CCNB3: variants seen among roughly 807,000 people sequenced by gnomAD.
The protein encoded by CCNB3 is G2/mitotic-specific cyclin-B3.
Under a neutral mutation model 68.0 loss-of-function variants are expected in CCNB3, and 12 were observed. The ratio of observed to expected loss-of-function variants is 0.18; its 90% CI spans 0.11 to 0.29. The LOEUF (loss-of-function observed/expected upper bound fraction) is 0.29, where lower values mean the gene tolerates loss of function less well. Among genes scored for constraint, CCNB3 ranks in the 10% least tolerant of loss-of-function variants. The pLI is 1.00. For missense variants in CCNB3, 904 were observed against 993.1 expected (o/e 0.91, Z 1.21); for synonymous variants, 354 against 388.9 (o/e 0.91, Z 1.06).
intron 1 of CCNB3, among the ~76,000 whole-genome samples, chrX:50,226,210 ATT>A (rs1183676205): frequency 2.0e-4 from 13 of 65,968 alleles, no homozygotes; most frequent in Non-Finnish European, 2.4e-5. Context: ...GAATATATAT[ATT>A]TATATATATA....
Position 50,337,947 on chromosome X carries a change from C to T in CCNB3, c.3517-4255C>T, listed in dbSNP as rs375098077. ...AGGCACGTCATGGGTGATTAGGCCA[C>T]GCTTCCACTCAAATGGAGGGGTAAG... is the stretch of plus-strand genomic sequence containing the variant. On this transcript the variant is annotated intron_variant, in intron 8 of 12. Coordinates refer to ENST00000376042, the MANE Select transcript of CCNB3 (RefSeq NM_033031.3). 5.8e-4 allele frequency among the ~76,000 whole-genome samples: 65 copies of T among 112,248 alleles called. No homozygotes were observed. The South Asian group carries it at 0.02, about 35-fold the overall frequency.
chrX:50,285,688 C>T (rs1936222269), intron 3 of CCNB3, among the ~76,000 whole-genome samples: 1 of 111,558 alleles, frequency 9.0e-6, no homozygotes, highest in African/African-American at 3.3e-5. Context: ...GCTGTTTTGA[C>T]TTTATTGATA....
At chrX:50,208,177 C>A (rs1257127076) in intron 1 of CCNB3, among the ~76,000 whole-genome samples, 1 of 111,625 alleles carries the variant, frequency 9.0e-6, no homozygotes, top group African/African-American at 3.3e-5. Context: ...TAGCACATAC[C>A]GAAATTTCAG....
rs1160153982 is a variant in CCNB3 at position 50,288,954 on chromosome X, G to A, written c.204+67G>A. 5 of 724,313 alleles carry A rather than the reference G, an allele frequency of 6.9e-6. No homozygotes were observed. In the African/African-American group the frequency reaches 1.1e-4, roughly 16 times the overall value. The allele number at this position is 724,313 out of a possible 1,213,427, so 59.7% of individuals were successfully genotyped here. On this transcript the variant is annotated intron_variant, in intron 4 of 12. Transcript: ENST00000376042. The stretch of plus-strand genomic sequence containing the variant: ...GGCTTAGACATGCTGTTTCTTGAGG[G>A]ACCTTTCCACTTTACCAGACCCTCT...
At position 50,308,791 on chromosome X, in the gene CCNB3, A is replaced by G. The variant is rs1170530670; in HGVS notation, c.622A>G (p.Ile208Val). 1 of 1,211,796 alleles carries G rather than the reference A, an allele frequency of 8.3e-7. No individual in the cohort carries two copies. Among genetic ancestry groups the G allele is most frequent in the Non-Finnish European group, 1.1e-6 (1 of 895,524 alleles). Reference protein sequence around the residue: ...EESDSDDAFVIEPMTFKKTHK... With the variant: ...EESDSDDAFVVEPMTFKKTHK... ...GAGTGACAGTGATGATGCGTTTGTT[A>G]TAGAGCCAATGACTTTTAAGAAGAC... Residue 208 changes from isoleucine to valine, a missense_variant, in exon 6 of 13, where the codon ATA becomes GTA. Ile to Val is a conservative substitution (Grantham distance 29). Around this residue, in one of 2 missense-constraint regions of CCNB3, gnomAD observed 619 missense variants for 609.8 expected, o/e 1.02. Coordinates refer to ENST00000376042, the MANE Select transcript of CCNB3 (RefSeq NM_033031.3).
chrX:50,330,276 T>C (rs1475871052), intron 8 of CCNB3, among the ~76,000 whole-genome samples: 1 of 111,937 alleles, frequency 8.9e-6, no homozygotes, highest in African/African-American at 3.3e-5. Context: ...TGCTTTTCCA[T>C]ACAATGTCTG....
At chrX:50,228,628 A>C (rs942163886) in intron 1 of CCNB3, among the ~76,000 whole-genome samples, 161 of 84,281 alleles carry the variant, frequency 1.9e-3, no homozygotes, top group African/African-American at 6.0e-3. Context: ...ATATATATAG[A>C]ATATACATAT....
intron 1 of CCNB3, among the ~76,000 whole-genome samples, chrX:50,226,083 A>G (rs1300522178): frequency 1.2e-5 from 1 of 82,496 alleles, no homozygotes; most frequent in African/African-American, 4.4e-5. Flanking sequence ...TATATAGAAT[A>G]TATATGAATA....
chrX:50,327,388 T>C (rs1922343283), intron 8 of CCNB3, among the ~76,000 whole-genome samples: 1 of 112,651 alleles, frequency 8.9e-6, no homozygotes, highest in Admixed American at 9.4e-5. Flanking sequence ...AAGGGTATCA[T>C]CTTACATTCA....
chrX:50,300,829 A>G (rs782813953), intron 5 of CCNB3, among the ~76,000 whole-genome samples: 24 of 111,023 alleles, frequency 2.2e-4, no homozygotes, highest in Non-Finnish European at 4.2e-4. Flanking sequence ...GGCTTTGTTC[A>G]TTTCTTTGTA....
intron 1 of CCNB3, among the ~76,000 whole-genome samples, chrX:50,225,692 G>T (rs1935743268): frequency 9.1e-6 from 1 of 109,576 alleles, no homozygotes; most frequent in Non-Finnish European, 1.9e-5. Context: ...TAGAATCATA[G>T]ACGATACCCA....
chrX:50,344,477 G>T (rs1222843366), intron 9 of CCNB3, among the ~76,000 whole-genome samples: 2 of 112,343 alleles, frequency 1.8e-5, no homozygotes, highest in African/African-American at 6.5e-5. Context: ...GGTTGGCAAT[G>T]GTGGTGTATT....
chrX:50,308,780 A>T lies in CCNB3; in HGVS notation c.611A>T (p.Asp204Val). The part of the protein sequence containing the change: ...QPLQEESDSD[D>V]AFVIEPMTFK... ...CTGCAGGAGGAGAGTGACAGTGATG[A>T]TGCGTTTGTTATAGAGCCAATGACT... Residue 204 changes from aspartate to valine, a missense_variant, in exon 6 of 13, where the codon GAT (aspartate) becomes GTT (valine). Around this residue, in one of 2 missense-constraint regions of CCNB3, gnomAD observed 619 missense variants for 609.8 expected, o/e 1.02. Transcript: ENST00000376042. 1 of 1,211,753 alleles carries T rather than the reference A, an allele frequency of 8.3e-7. No homozygotes were observed. Among genetic ancestry groups the T allele is most frequent in the South Asian group, 1.8e-5 (1 of 56,951 alleles).
intron 9 of CCNB3, among the ~76,000 whole-genome samples, chrX:50,344,872 T>G (rs781985614): frequency 1.8e-5 from 2 of 111,688 alleles, no homozygotes; most frequent in South Asian, 7.6e-4. Flanking sequence ...CTGATCTTGT[T>G]CAACTTTCAT....
intron 8 of CCNB3, among the ~76,000 whole-genome samples, chrX:50,341,437 A>G (rs1192938036): frequency 9.1e-6 from 1 of 109,316 alleles, no homozygotes. Context: ...CTAACAAAGC[A>G]CCTTAAGGAA....
chrX:50,305,398 C>T (rs1379275873), intron 5 of CCNB3, among the ~76,000 whole-genome samples: 6 of 111,058 alleles, frequency 5.4e-5, no homozygotes, highest in Non-Finnish European at 1.1e-4. Context: ...AGCAAACTAT[C>T]GCAAGGACAA....
chrX:50,303,276 G>T (rs781802077), intron 5 of CCNB3, among the ~76,000 whole-genome samples: 18 of 111,038 alleles, frequency 1.6e-4, no homozygotes, highest in Admixed American at 1.4e-3. Context: ...CTCCTGAGTA[G>T]CTGGGATTAC....
In CCNB3 at chrX:50,308,587, T is replaced by C; in HGVS notation, c.418T>C (p.Ser140Pro). The C allele has an allele frequency of 8.3e-7, 1 of 1,208,372 alleles. No individual in the cohort carries two copies. Among genetic ancestry groups the C allele is most frequent in the Non-Finnish European group, 1.1e-6 (1 of 892,816 alleles). ...GGAGAAACCACTCATTCTAGACATA[T>C]CCACCACCTCCAAAACACCCAACAC... ...IMEKPLILDI[S>P]TTSKTPNTEE... The change falls in exon 6 of 13, where the codon TCC (serine) becomes CCC (proline). Residue 140 changes from serine (S) to proline (P), a missense_variant. Around this residue, in one of 2 missense-constraint regions of CCNB3, gnomAD observed 619 missense variants for 609.8 expected, o/e 1.02. Coordinates refer to ENST00000376042, the MANE Select transcript of CCNB3 (RefSeq NM_033031.3).
chrX:50,306,282 AT>A (rs1921072252), intron 5 of CCNB3, among the ~76,000 whole-genome samples: 2 of 110,922 alleles, frequency 1.8e-5, no homozygotes, highest in Non-Finnish European at 3.8e-5. Flanking sequence ...CAGATTATTC[AT>A]TGCAAGTATA....
Sources: allele counts gnomAD v4.1 joint callset (sites outside exome capture counted in the v4.1 genomes callset), GRCh38; gene constraint gnomAD v4.1.1; regional missense constraint gnomAD v4.1.1; transcripts MANE v1.5; gene names NCBI Gene and HGNC (gene_info 2026-07-23, HGNC 2026-07-21).